Variants in PLAAT3 observed in about 807,000 individuals in gnomAD.
PLAAT3 encodes the protein Ca-independent phospholipase A1/2.
PLAAT3 carries 21 observed loss-of-function variants against 16.7 expected under a neutral mutation model. That is an observed-to-expected ratio of 1.26 (90% confidence interval 0.89 to 1.81). The LOEUF is 1.81. PLAAT3 is among the 40% of genes most tolerant of loss of function. PLAAT3 has a pLI of 0.00. For synonymous variants in PLAAT3, 76 were observed against 81.7 expected (o/e 0.93, Z 0.38); for missense variants, 219 against 213.7 (o/e 1.02, Z -0.16).
chr11:63,601,781 G>A (rs1484737572), intron 2 of PLAAT3, among the ~76,000 whole-genome samples: 1 of 152,166 alleles, frequency 6.6e-6, no homozygotes, highest in Non-Finnish European at 1.5e-5. Context: ...TTCAAGACCA[G>A]GCTGGCCAAC....
At chr11:63,615,136 ATGTGTATATG>A (rs1422181333), upstream of PLAAT3, among the ~76,000 whole-genome samples, 4 of 4,416 alleles carry the variant, frequency 9.1e-4, no homozygotes, top group African/African-American at 1.2e-3. Flanking sequence ...ATATATGTAT[ATGTGTATATG>A]TGTGTATATA....
chr11:63,601,653 G>A (rs991976353), intron 2 of PLAAT3, among the ~76,000 whole-genome samples: 2 of 152,088 alleles, frequency 1.3e-5, no homozygotes, highest in Non-Finnish European at 2.9e-5. Context: ...ATGGGGATGA[G>A]CTCTGTAACA....
chr11:63,593,473 G>A (rs1938202097), intron 3 of PLAAT3, among the ~76,000 whole-genome samples: 2 of 152,368 alleles, frequency 1.3e-5, no homozygotes. Flanking sequence ...CCCAGGAGGG[G>A]AGAAGAGAAA....
At chr11:63,616,327 A>G (rs1011744930), upstream of PLAAT3, 3 of 152,052 alleles carry the variant, frequency 2.0e-5, no homozygotes, top group African/African-American at 4.8e-5. Context: ...GATTCCATAT[A>G]TAAGTGAGAT....
chr11:63,615,152 A>ATATGTGTATATATGTGTGTG, upstream of PLAAT3, among the ~76,000 whole-genome samples: 1 of 25,936 alleles, frequency 3.9e-5, no homozygotes, highest in East Asian at 2.8e-3. Flanking sequence ...ATATGTGTGT[A>ATATGTGTATATATGTGTGTG]TATATGTGTA....
intron 2 of PLAAT3, among the ~76,000 whole-genome samples, chr11:63,607,909 G>A (rs369578978): frequency 3.9e-5 from 6 of 151,972 alleles, no homozygotes; most frequent in East Asian, 3.9e-4. Flanking sequence ...CAGGTGGGCC[G>A]GGCACAGTGG....
upstream of PLAAT3, chr11:63,616,160 A>G (rs1408745369): frequency 2.0e-5 from 3 of 152,162 alleles, no homozygotes; most frequent in Non-Finnish European, 4.4e-5. Context: ...TATTTACTAT[A>G]ATCACCATGT....
intron 3 of PLAAT3, among the ~76,000 whole-genome samples, chr11:63,595,128 T>C (rs897984157): frequency 1.3e-5 from 2 of 151,914 alleles, no homozygotes; most frequent in Admixed American, 1.3e-4. Flanking sequence ...CCATCTCTAC[T>C]AAAAATACAA....
At chr11:63,582,901 G>A (rs1320128595) in intron 4 of PLAAT3, among the ~76,000 whole-genome samples, 1 of 152,166 alleles carries the variant, frequency 6.6e-6, no homozygotes, top group Non-Finnish European at 1.5e-5. Flanking sequence ...GGGAGGCCGA[G>A]GCAGGCGGAT....
At chr11:63,611,998 C>T (rs971273118) in intron 2 of PLAAT3, among the ~76,000 whole-genome samples, 5 of 152,298 alleles carry the variant, frequency 3.3e-5, no homozygotes, top group Admixed American at 6.5e-5. Flanking sequence ...ATTAGCCAGG[C>T]GCGGTGGCGC....
chr11:63,602,213 C>T (rs1177961062), intron 2 of PLAAT3, among the ~76,000 whole-genome samples: 3 of 151,456 alleles, frequency 2.0e-5, no homozygotes, highest in Non-Finnish European at 4.4e-5. Flanking sequence ...TCACTTGAAC[C>T]CAGGAGGCGG....
chr11:63,609,372 A>G (rs1938638374), intron 2 of PLAAT3, among the ~76,000 whole-genome samples: 1 of 152,260 alleles, frequency 6.6e-6, no homozygotes, highest in Non-Finnish European at 1.5e-5. Context: ...TCCCAGAAAC[A>G]GGGCCCAGCC....
chr11:63,587,429 GA>G (rs201108520), intron 4 of PLAAT3, among the ~76,000 whole-genome samples: 24 of 146,012 alleles, frequency 1.6e-4, no homozygotes, highest in African/African-American at 3.0e-4. Context: ...TCAAAATTCT[GA>G]AAAAAAAAAT....
At chr11:63,607,664 G>A (rs1165752462) in intron 2 of PLAAT3, among the ~76,000 whole-genome samples, 4 of 151,936 alleles carry the variant, frequency 2.6e-5, no homozygotes, top group East Asian at 3.9e-4. Flanking sequence ...CCAGATCTAA[G>A]GACATCCAAA....
chr11:63,615,308 ATG>A (rs1288555363), upstream of PLAAT3, among the ~76,000 whole-genome samples: 523 of 59,598 alleles, frequency 8.8e-3, 93 homozygotes, highest in Middle Eastern at 0.023. Context: ...GTGTGTATAT[ATG>A]TGTGTATATA....
At chr11:63,589,611 G>C (rs771217999) in intron 4 of PLAAT3, among the ~76,000 whole-genome samples, 1 of 152,100 alleles carries the variant, frequency 6.6e-6, no homozygotes, top group East Asian at 1.9e-4. Flanking sequence ...TTATAAGCAC[G>C]ATCAGGCTAT....
chr11:63,585,283 A>G (rs1036569879), intron 4 of PLAAT3, among the ~76,000 whole-genome samples: 1 of 152,150 alleles, frequency 6.6e-6, no homozygotes, highest in African/African-American at 2.4e-5. Context: ...TCGGCCTCTC[A>G]AAGTGCTGGG....
chr11:63,604,739 G>C (rs1314277947), intron 2 of PLAAT3, among the ~76,000 whole-genome samples: 1 of 151,986 alleles, frequency 6.6e-6, no homozygotes, highest in Non-Finnish European at 1.5e-5. Context: ...CTCCAATCTA[G>C]GCGACAGAGC....
At chr11:63,610,137 C>T (rs1938658094) in intron 2 of PLAAT3, among the ~76,000 whole-genome samples, 4 of 152,236 alleles carry the variant, frequency 2.6e-5, no homozygotes, top group Admixed American at 2.6e-4. Flanking sequence ...TAATTCACTC[C>T]AAGGTACTGA....
Sources: gnomAD v4.1 joint callset for allele counts (sites outside exome capture counted in the v4.1 genomes callset) on GRCh38, gnomAD v4.1.1 for gene constraint, MANE v1.5 for transcripts, NCBI Gene and HGNC (gene_info 2026-07-23, HGNC 2026-07-21) for gene names.